TENM4: variants seen among roughly 807,000 people sequenced by gnomAD.
TENM4 encodes teneurin-4.
A neutral mutation model predicts 243.3 loss-of-function variants in TENM4; 82 were observed. That is an observed-to-expected ratio of 0.34 (90% CI 0.28 to 0.40). TENM4 has a LOEUF of 0.40. TENM4 is among the 10% of genes least tolerant of loss of function. TENM4 has a pLI of 1.00. For missense variants in TENM4, 3,138 were observed against 3,673.3 expected (o/e 0.85, Z 3.77); for synonymous variants, 1,412 against 1,456.3 (o/e 0.97, Z 0.69).
chr11:78,728,297 C>G (rs1193169971), intron 22 of TENM4, among the ~76,000 whole-genome samples: 5 of 152,188 alleles, frequency 3.3e-5, no homozygotes, highest in Admixed American at 3.3e-4. Context: ...GGGAAGTCAT[C>G]TCAATTCTCT....
chr11:78,771,875 C>T (rs150766095), intron 17 of TENM4, among the ~76,000 whole-genome samples: 86 of 152,328 alleles, frequency 5.6e-4, no homozygotes, highest in Middle Eastern at 3.4e-3. Flanking sequence ...TCATTACGCT[C>T]ATATGCACAT....
intron 2 of TENM4, among the ~76,000 whole-genome samples, chr11:79,276,739 G>A (rs1304474982): frequency 6.6e-6 from 1 of 152,076 alleles, no homozygotes; most frequent in African/African-American, 2.4e-5. Flanking sequence ...CTCTACCACT[G>A]CCATACTCCT....
intron 6 of TENM4, among the ~76,000 whole-genome samples, chr11:79,053,437 C>T (rs936555592): frequency 6.6e-6 from 1 of 152,234 alleles, no homozygotes. Flanking sequence ...TGGTTCCTAT[C>T]ACCTTCAGGA....
At chr11:78,985,494 C>A (rs767187071) in intron 6 of TENM4, among the ~76,000 whole-genome samples, 1 of 152,060 alleles carries the variant, frequency 6.6e-6, no homozygotes, top group Non-Finnish European at 1.5e-5. Context: ...TAGTTTAAAG[C>A]CATTTTGATA....
chr11:79,157,914 T>C (rs1565227969), intron 3 of TENM4, among the ~76,000 whole-genome samples: 1 of 152,348 alleles, frequency 6.6e-6, no homozygotes, highest in Middle Eastern at 3.4e-3. Flanking sequence ...GTGGCTGAAC[T>C]TCCTGACCAG....
chr11:78,722,767 G>A lies in TENM4; in HGVS notation c.3701C>T (p.Ala1234Val), dbSNP rs936461118. 3.1e-6 allele frequency: 5 copies of A among 1,614,076 alleles called. No individual in the cohort carries two copies. Among genetic ancestry groups the A allele is most frequent in the Non-Finnish European group, 4.2e-6 (5 of 1,179,898 alleles). Residue 1234 changes from alanine to valine, a missense_variant, in exon 24 of 34, where the codon GCC (alanine) becomes GTC (valine). Ala to Val is a moderately conservative substitution (Grantham distance 64, BLOSUM62 0). Around this residue, in one of 2 missense-constraint regions of TENM4, gnomAD observed 2,467 missense variants for 3,059.1 expected, o/e 0.81. Coordinates refer to ENST00000278550, the MANE Select transcript of TENM4 (RefSeq NM_001098816.3). ...ADGNKLLAPV[A>V]LTCGSDGSLY... ...GCTCCCGTCAGAGCCACAGGTGAGG[G>A]CCACTGGGGCCAGGAGCTTGTTGCC...
chr11:78,861,525 A>G (rs1220641945), intron 10 of TENM4, among the ~76,000 whole-genome samples: 1 of 152,172 alleles, frequency 6.6e-6, no homozygotes, highest in Non-Finnish European at 1.5e-5. Context: ...GCATTTTAAG[A>G]CTTAAAATCT....
intron 2 of TENM4, among the ~76,000 whole-genome samples, chr11:79,291,227 A>G (rs1324275418): frequency 6.6e-6 from 1 of 152,036 alleles, no homozygotes; most frequent in African/African-American, 2.4e-5. Flanking sequence ...CCCTTCTCAA[A>G]GACAAAAAAC....
At chr11:78,894,835 A>T (rs1743964698) in intron 7 of TENM4, among the ~76,000 whole-genome samples, 1 of 151,702 alleles carries the variant, frequency 6.6e-6, no homozygotes, top group Non-Finnish European at 1.5e-5. Context: ...TCTAGAAAAA[A>T]ATTCAAAAAC....
At chr11:79,110,362 G>T (rs944728433) in intron 4 of TENM4, among the ~76,000 whole-genome samples, 3 of 152,202 alleles carry the variant, frequency 2.0e-5, no homozygotes, top group African/African-American at 7.2e-5. Context: ...AGCAGAAGGG[G>T]TTGAGAGCTG....
chr11:79,374,148 GAC>G (rs1303959902), intron 1 of TENM4, among the ~76,000 whole-genome samples: 1 of 152,142 alleles, frequency 6.6e-6, no homozygotes, highest in Non-Finnish European at 1.5e-5. Context: ...TAAAATTCAA[GAC>G]ACTCTTTGAG....
intron 6 of TENM4, among the ~76,000 whole-genome samples, chr11:78,954,317 AG>A (rs1416624417): frequency 6.6e-6 from 1 of 152,244 alleles, no homozygotes; most frequent in Non-Finnish European, 1.5e-5. Flanking sequence ...CAAGGTGAGC[AG>A]GCTGTGTGGG....
At chr11:79,162,141 G>A (rs897812329) in intron 3 of TENM4, among the ~76,000 whole-genome samples, 74 of 152,346 alleles carry the variant, frequency 4.9e-4, no homozygotes, top group African/African-American at 1.6e-3. Flanking sequence ...GCAAGACCCT[G>A]TGTGCAGATC....
chr11:79,361,659 A>G (rs1857591802), intron 1 of TENM4, among the ~76,000 whole-genome samples: 1 of 152,222 alleles, frequency 6.6e-6, no homozygotes, highest in African/African-American at 2.4e-5. Context: ...TGAATGGCAC[A>G]AATAGACTAC....
chr11:78,708,965 C>T lies in TENM4; in HGVS notation c.4055-450G>A, dbSNP rs12418300. ...AACCATTTTTCTTTTCTTTCTTTTT[C>T]TTTCTTTTTTTTTTTTTTTAAAAAA... On this transcript the variant is annotated intron_variant, in intron 26 of 33. Transcript: ENST00000278550. 9.2e-4 allele frequency among the ~76,000 whole-genome samples: 122 copies of T among 132,846 alleles called. 1 individual carries two copies. Among genetic ancestry groups the T allele is most frequent in the Admixed American group, 4.8e-3 (67 of 14,088 alleles). 87.2% of individuals were successfully genotyped at this position (132,846 alleles called of 152,430 possible). A position where few individuals can be genotyped will look rare whatever the true frequency, so the allele number is the denominator to read the frequency against.
intron 6 of TENM4, among the ~76,000 whole-genome samples, chr11:78,987,902 A>G (rs930039821): frequency 6.6e-6 from 1 of 152,148 alleles, no homozygotes; most frequent in Non-Finnish European, 1.5e-5. Context: ...TCACCCACAC[A>G]GGGCCAGGAC....
At position 78,805,277 on chromosome 11, in the gene TENM4, T is replaced by TACCCCCCCA; in HGVS notation, c.2179+14_2179+15insTGGGGGGGT. On this transcript the variant is annotated intron_variant, in intron 15 of 33. Coordinates refer to ENST00000278550, the MANE Select transcript of TENM4 (RefSeq NM_001098816.3). ...CCCCTCCCTCTACCCATGCTTCTTC[T>TACCCCCCCA]CCCCCTGCATTTACCGATAGAACAG... 7.1e-7 allele frequency: 1 copy of TACCCCCCCA among 1,402,550 alleles called. No individual in the cohort carries two copies. Among genetic ancestry groups the TACCCCCCCA allele is most frequent in the Non-Finnish European group, 9.7e-7 (1 of 1,033,116 alleles). The allele number at this position is 1,402,550 out of a possible 1,614,324, so 86.9% of individuals were successfully genotyped here. A position where few individuals can be genotyped will look rare whatever the true frequency, so the allele number is the denominator to read the frequency against.
chr11:79,149,965 G>A (rs900509276), intron 3 of TENM4, among the ~76,000 whole-genome samples: 6 of 152,098 alleles, frequency 3.9e-5, no homozygotes, highest in South Asian at 2.1e-4. Flanking sequence ...CAATGACCAC[G>A]TCTGTTATTT....
At chr11:79,168,384 TG>T (rs1438832787) in intron 3 of TENM4, among the ~76,000 whole-genome samples, 3 of 151,832 alleles carry the variant, frequency 2.0e-5, no homozygotes, top group African/African-American at 7.3e-5. Context: ...TCCAGGGGTG[TG>T]GGGGGATGCC....
Sources: allele counts gnomAD v4.1 joint callset (sites outside exome capture counted in the v4.1 genomes callset), GRCh38; gene constraint gnomAD v4.1.1; regional missense constraint gnomAD v4.1.1; transcripts MANE v1.5; gene names NCBI Gene and HGNC (gene_info 2026-07-23, HGNC 2026-07-21).